CHODL: variants seen among roughly 807,000 people sequenced by gnomAD.
CHODL encodes transmembrane protein MT75.
In CHODL, 29 loss-of-function variants were observed where a neutral mutation model predicts 34.5. The ratio of observed to expected loss-of-function variants is 0.84; its 90% CI spans 0.63 to 1.15. The LOEUF is 1.15. Among genes scored for constraint, CHODL ranks in the 50% most tolerant of loss-of-function variants. The pLI, the probability that CHODL is intolerant of heterozygous loss-of-function variation, is 0.00. For synonymous variants in CHODL, 125 were observed against 116.1 expected, an observed-to-expected ratio of 1.08 and a Z score of -0.49; for missense variants, 332 against 332.5, an observed-to-expected ratio of 1.00 and a Z score of 0.01.
At chr21:17,946,297 T>C (rs2063408367) in intron 1 of CHODL, among the ~76,000 whole-genome samples, 1 of 152,124 alleles carries the variant, frequency 6.6e-6, no homozygotes, top group South Asian at 2.1e-4. Flanking sequence ...CGGGTGCCTG[T>C]GGTCCCAGCT....
upstream of CHODL, among the ~76,000 whole-genome samples, chr21:18,243,826 C>T (rs1047944704): frequency 2.0e-5 from 3 of 152,214 alleles, no homozygotes; most frequent in South Asian, 2.1e-4. Flanking sequence ...ACAGTGTACC[C>T]GTGGCTTATG....
At chr21:17,947,824 A>G (rs1267398931) in intron 1 of CHODL, among the ~76,000 whole-genome samples, 1 of 152,178 alleles carries the variant, frequency 6.6e-6, no homozygotes, top group Non-Finnish European at 1.5e-5. Flanking sequence ...AGGAAAAAAA[A>G]TCATTACATA....
chr21:18,182,709 C>A (rs1473096788), intron 2 of CHODL, among the ~76,000 whole-genome samples: 3 of 152,158 alleles, frequency 2.0e-5, no homozygotes, highest in Non-Finnish European at 4.4e-5. Flanking sequence ...TATGCCCAAT[C>A]AGTTTTATGT....
intron 2 of CHODL, among the ~76,000 whole-genome samples, chr21:18,232,152 A>C (rs1336774684): frequency 6.6e-6 from 1 of 152,002 alleles, no homozygotes; most frequent in Non-Finnish European, 1.5e-5. Flanking sequence ...TTATTTACTT[A>C]ATAGTTTTTC....
intron 2 of CHODL, among the ~76,000 whole-genome samples, chr21:18,100,235 G>T (rs1423073162): frequency 6.6e-6 from 1 of 152,080 alleles, no homozygotes; most frequent in Non-Finnish European, 1.5e-5. Flanking sequence ...ACTGTGGAAA[G>T]ATACATTGTC....
chr21:18,111,037 C>T (rs1478970824), intron 2 of CHODL, among the ~76,000 whole-genome samples: 1 of 152,122 alleles, frequency 6.6e-6, no homozygotes, highest in Non-Finnish European at 1.5e-5. Flanking sequence ...AGCTTCCACA[C>T]TAGGGGAATA....
Position 18,183,169 on chromosome 21 carries a change from C to G in CHODL, c.-44-73340C>G, listed in dbSNP as rs186759483. Reference sequence around the variant, plus strand: ...TCCAAGAACACACTTCACTCTCCCCCACATCTGTCATCAGGTTTTTTGGGG... The same window carrying G: ...TCCAAGAACACACTTCACTCTCCCCGACATCTGTCATCAGGTTTTTTGGGG... On this transcript the variant is annotated intron_variant, in intron 2 of 6. Transcript: ENST00000400127. Among the ~76,000 whole-genome samples the G allele has an allele frequency of 1.5e-4, 23 of 152,292 alleles. No homozygotes were observed. The East Asian group carries it at 3.5e-3, about 23-fold the overall frequency.
At chr21:17,934,044 GAA>G (rs560435565) in intron 1 of CHODL, among the ~76,000 whole-genome samples, 2 of 123,682 alleles carry the variant, frequency 1.6e-5, no homozygotes, top group Admixed American at 8.3e-5. Flanking sequence ...TCTCAAAAAA[GAA>G]AAAAAAAAAA....
chr21:18,214,587 G>T (rs1368650099), intron 2 of CHODL, among the ~76,000 whole-genome samples: 1 of 152,104 alleles, frequency 6.6e-6, no homozygotes, highest in Non-Finnish European at 1.5e-5. Flanking sequence ...GCAAATTGAG[G>T]AAGCAATCTA....
intron 2 of CHODL, among the ~76,000 whole-genome samples, chr21:18,218,167 G>A (rs1008975503): frequency 6.6e-6 from 1 of 152,196 alleles, no homozygotes; most frequent in African/African-American, 2.4e-5. Flanking sequence ...CTCTGTATGG[G>A]GGCTGTGATC....
chr21:18,196,534 A>T (rs751031797), intron 2 of CHODL, among the ~76,000 whole-genome samples: 1 of 152,082 alleles, frequency 6.6e-6, no homozygotes, highest in African/African-American at 2.4e-5. Context: ...TTTTGCGGGG[A>T]GGCGGAGGAA....
chr21:18,029,658 G>A (rs2064224627), intron 2 of CHODL, among the ~76,000 whole-genome samples: 2 of 151,964 alleles, frequency 1.3e-5, no homozygotes, highest in Non-Finnish European at 2.9e-5. Context: ...CTGTTTTGGG[G>A]GGAATCTCAG....
intron 2 of CHODL, among the ~76,000 whole-genome samples, chr21:18,217,680 A>G (rs1347528208): frequency 1.3e-5 from 2 of 152,158 alleles, no homozygotes; most frequent in Non-Finnish European, 2.9e-5. Context: ...CAAAGTCTTA[A>G]CTTATTCCAG....
Position 18,256,461 on chromosome 21 carries a change from A to C in CHODL, c.80-48A>C. 3 of 1,506,010 alleles carry C rather than the reference A, an allele frequency of 2.0e-6. No individual in the cohort carries two copies. In the East Asian group the frequency reaches 6.8e-5, roughly 34 times the overall value. The allele number at this position is 1,506,010 out of a possible 1,614,324, so 93.3% of individuals were successfully genotyped here. The stretch of plus-strand genomic sequence containing the variant: ...CATTTTGATTCTTAGTGTTGTTACA[A>C]ATAGAGTTCCGATTATCAATATATG... On this transcript the variant is annotated intron_variant, in intron 1 of 5. Transcript: ENST00000299295.
At chr21:18,137,458 A>T (rs1003625277) in intron 2 of CHODL, among the ~76,000 whole-genome samples, 3 of 152,190 alleles carry the variant, frequency 2.0e-5, no homozygotes, top group Non-Finnish European at 4.4e-5. Context: ...TCATTTACCT[A>T]CTTAGAGCGT....
chr21:18,120,659 A>G (rs2065468684), intron 2 of CHODL, among the ~76,000 whole-genome samples: 1 of 152,160 alleles, frequency 6.6e-6, no homozygotes, highest in African/African-American at 2.4e-5. Flanking sequence ...CTCTATGTCT[A>G]TCTATACATA....
At chr21:18,239,605 G>A (rs2074062495) in intron 2 of CHODL, among the ~76,000 whole-genome samples, 1 of 151,816 alleles carries the variant, frequency 6.6e-6, no homozygotes, top group African/African-American at 2.4e-5. Context: ...ATTTTTTTAG[G>A]TCTTTAGCTA....
chr21:18,092,793 A>C (rs2065089791), intron 2 of CHODL, among the ~76,000 whole-genome samples: 2 of 152,208 alleles, frequency 1.3e-5, no homozygotes, highest in Admixed American at 6.5e-5. Flanking sequence ...AAAAAAGAAT[A>C]CAAAACAGTA....
At chr21:18,136,042 G>A (rs1442693277) in intron 2 of CHODL, among the ~76,000 whole-genome samples, 1 of 137,400 alleles carries the variant, frequency 7.3e-6, no homozygotes, top group Non-Finnish European at 1.5e-5. Flanking sequence ...GGGAGACGGA[G>A]GTTGCAGCGA....
Sources: allele counts gnomAD v4.1 joint callset (sites outside exome capture counted in the v4.1 genomes callset), GRCh38; gene constraint gnomAD v4.1.1; transcripts MANE v1.5; gene names NCBI Gene and HGNC (gene_info 2026-07-23, HGNC 2026-07-21).